Variants in ASAP1 observed in about 807,000 individuals in gnomAD.
ASAP1 encodes arf-GAP with SH3 domain, ANK repeat and PH domain-containing protein 1.
In ASAP1, 43 loss-of-function variants were observed where a neutral mutation model predicts 145.2. The ratio of observed to expected loss-of-function variants is 0.30; its 90% CI spans 0.23 to 0.38. ASAP1 has a LOEUF of 0.38. ASAP1 is among the 10% of genes least tolerant of loss of function. The pLI is 1.00. For synonymous variants in ASAP1, 546 were observed against 515.5 expected, an observed-to-expected ratio of 1.06 and a Z score of -0.80; for missense variants, 1,018 against 1,355.3, an observed-to-expected ratio of 0.75 and a Z score of 3.91.
intron 3 of ASAP1, among the ~76,000 whole-genome samples, chr8:130,287,077 T>C (rs527988266): frequency 1.3e-5 from 2 of 152,214 alleles, no homozygotes; most frequent in Admixed American, 6.5e-5. Flanking sequence ...TTTTTAGTAA[T>C]GGGGCCAGAA....
At chr8:130,058,500 ATG>A (rs2097409570) in intron 28 of ASAP1, among the ~76,000 whole-genome samples, 1 of 152,256 alleles carries the variant, frequency 6.6e-6, no homozygotes, top group Admixed American at 6.5e-5. Flanking sequence ...TGCATAATGA[ATG>A]TGCAGCATAA....
intron 3 of ASAP1, among the ~76,000 whole-genome samples, chr8:130,307,024 T>C (rs562814117): frequency 6.6e-6 from 1 of 152,338 alleles, no homozygotes; most frequent in Admixed American, 6.5e-5. Context: ...TCAAATATAA[T>C]TTCCTTAAAG....
At chr8:130,301,135 T>C (rs934572987) in intron 3 of ASAP1, among the ~76,000 whole-genome samples, 2 of 152,066 alleles carry the variant, frequency 1.3e-5, no homozygotes, top group Admixed American at 6.6e-5. Context: ...ACATGAGAAA[T>C]AGTACTTTAT....
At chr8:130,140,329 C>T (rs946383472) in intron 13 of ASAP1, among the ~76,000 whole-genome samples, 2 of 151,710 alleles carry the variant, frequency 1.3e-5, no homozygotes, top group Non-Finnish European at 2.9e-5. Context: ...ATGCTGGCCT[C>T]AGGTCTCAGC....
At chr8:130,098,907 T>TATCCATTA (rs1166773005) in intron 24 of ASAP1, among the ~76,000 whole-genome samples, 2 of 152,064 alleles carry the variant, frequency 1.3e-5, no homozygotes, top group African/African-American at 4.8e-5. Context: ...TGTTATTTTG[T>TATCCATTA]ATCCATTAAT....
intron 1 of ASAP1, among the ~76,000 whole-genome samples, chr8:130,439,011 A>G (rs1830406140): frequency 6.6e-6 from 1 of 152,240 alleles, no homozygotes; most frequent in African/African-American, 2.4e-5. Flanking sequence ...TGCAGATGGA[A>G]TCAAGGTTGC....
chr8:130,387,975 G>T (rs1261956947), intron 2 of ASAP1, among the ~76,000 whole-genome samples: 1 of 152,202 alleles, frequency 6.6e-6, no homozygotes, highest in Non-Finnish European at 1.5e-5. Context: ...ATTCCAGATT[G>T]TTACAACTGC....
At chr8:130,281,278 T>C (rs1821228536) in intron 3 of ASAP1, among the ~76,000 whole-genome samples, 1 of 152,216 alleles carries the variant, frequency 6.6e-6, no homozygotes, top group Non-Finnish European at 1.5e-5. Flanking sequence ...TGGATCAACA[T>C]AAACAATGTT....
intron 15 of ASAP1, among the ~76,000 whole-genome samples, chr8:130,133,044 A>G (rs2097585504): frequency 6.6e-6 from 1 of 152,154 alleles, no homozygotes; most frequent in African/African-American, 2.4e-5. Context: ...GTGGCTCTCC[A>G]GAAATAAGAG....
At chr8:130,394,567 A>G (rs1272964223) in intron 2 of ASAP1, among the ~76,000 whole-genome samples, 1 of 152,124 alleles carries the variant, frequency 6.6e-6, no homozygotes, top group African/African-American at 2.4e-5. Context: ...ATTACCTTGT[A>G]AAGTATGCGA....
At chr8:130,211,641 T>C (rs1040658582) in intron 5 of ASAP1, among the ~76,000 whole-genome samples, 2 of 152,242 alleles carry the variant, frequency 1.3e-5, no homozygotes, top group Non-Finnish European at 2.9e-5. Context: ...AATCTATCCT[T>C]TCCTTTTTCT....
chr8:130,197,773 T>G (rs1815599989), intron 5 of ASAP1, among the ~76,000 whole-genome samples: 3 of 152,212 alleles, frequency 2.0e-5, no homozygotes. Context: ...GTTCCTTGTC[T>G]ATGAGAAACG....
chr8:130,316,689 T>C (rs771103717), intron 3 of ASAP1, among the ~76,000 whole-genome samples: 3 of 152,228 alleles, frequency 2.0e-5, no homozygotes, highest in Non-Finnish European at 4.4e-5. Context: ...ATGGAAGTCA[T>C]GTGCTGAGGA....
At position 130,152,827 on chromosome 8, in the gene ASAP1, A is replaced by G. The variant is rs775176172; in HGVS notation, c.1011-22T>C. The stretch of plus-strand genomic sequence containing the variant: ...GATCCTAAGGAGGAAGTCAAACACA[A>G]CTAGATATAGTAACTGATTCACTCT... On this transcript the variant is annotated intron_variant, in intron 12 of 29. Transcript: ENST00000518721. The G allele has an allele frequency of 4.5e-6, 7 of 1,569,238 alleles. No individual in the cohort carries two copies. In the Admixed American group the frequency reaches 6.7e-5, roughly 15 times the overall value.
intron 3 of ASAP1, among the ~76,000 whole-genome samples, chr8:130,322,284 A>C (rs1432800804): frequency 6.7e-6 from 1 of 148,700 alleles, no homozygotes; most frequent in East Asian, 2.0e-4. Context: ...CTGGAGATGA[A>C]TTTTATGCCA....
At chr8:130,181,004 G>T in intron 7 of ASAP1, 124 bp from the exon 8 acceptor site, 2 of 770,780 alleles carry the variant, frequency 2.6e-6, no homozygotes, top group Non-Finnish European at 3.8e-6. Flanking sequence ...TTCATCAGTT[G>T]TATCAATTGT....
At chr8:130,190,819 G>A (rs1456928664) in intron 5 of ASAP1, among the ~76,000 whole-genome samples, 1 of 152,040 alleles carries the variant, frequency 6.6e-6, no homozygotes, top group Non-Finnish European at 1.5e-5. Flanking sequence ...CCTGGCCTAT[G>A]CATCTGTTTT....
chr8:130,098,228 C>T (rs1164426704), intron 24 of ASAP1, among the ~76,000 whole-genome samples: 2 of 152,190 alleles, frequency 1.3e-5, no homozygotes, highest in South Asian at 4.1e-4. Flanking sequence ...TGACTCAAGG[C>T]CAGACTCTCA....
chr8:130,227,056 A>G (rs568438866), intron 4 of ASAP1, among the ~76,000 whole-genome samples: 3 of 152,320 alleles, frequency 2.0e-5, no homozygotes, highest in African/African-American at 7.2e-5. Context: ...AAGCACCTAC[A>G]ATGGGATACA....
Sources: gnomAD v4.1 joint callset for allele counts (sites outside exome capture counted in the v4.1 genomes callset) on GRCh38, gnomAD v4.1.1 for gene constraint, MANE v1.5 for transcripts, NCBI Gene and HGNC (gene_info 2026-07-23, HGNC 2026-07-21) for gene names.